The following MANBAL variants were observed in gnomAD, a reference collection of about 807,000 sequenced individuals.
MANBAL encodes mannosidase beta like.
A neutral mutation model predicts 6.4 loss-of-function variants in MANBAL; 1 was observed. That is an observed-to-expected ratio of 0.16 (90% confidence interval 0.06 to 0.74). The LOEUF (loss-of-function observed/expected upper bound fraction) is 0.74, where lower values mean the gene tolerates loss of function less well. MANBAL is among the 30% of genes least tolerant of loss of function. The pLI, the probability that MANBAL is intolerant of heterozygous loss-of-function variation, is 0.78. For missense variants in MANBAL, 100 were observed against 107.8 expected (o/e 0.93, Z 0.32); for synonymous variants, 47 against 45.8 (o/e 1.03, Z -0.10).
intron 2 of MANBAL, among the ~76,000 whole-genome samples, chr20:37,304,786 A>G (rs2069220694): frequency 6.6e-6 from 1 of 152,140 alleles, no homozygotes. Context: ...TTTTAAACAG[A>G]TACTTTAACA....
chr20:37,306,854 A>C (rs546291927), intron 2 of MANBAL, among the ~76,000 whole-genome samples: 2 of 152,216 alleles, frequency 1.3e-5, no homozygotes, highest in Non-Finnish European at 2.9e-5. Flanking sequence ...GGACTGGCCA[A>C]TGATTCTCCA....
At chr20:37,303,907 C>T (rs2069198435) in intron 2 of MANBAL, among the ~76,000 whole-genome samples, 1 of 152,162 alleles carries the variant, frequency 6.6e-6, no homozygotes, top group South Asian at 2.1e-4. Context: ...ATTGTTTACA[C>T]AGTATAGGCG....
At chr20:37,295,821 C>T (rs2068982258) in intron 1 of MANBAL, among the ~76,000 whole-genome samples, 1 of 152,200 alleles carries the variant, frequency 6.6e-6, no homozygotes, top group Admixed American at 6.5e-5. Context: ...GAACAATGGC[C>T]AGGGAACAAA....
intron 2 of MANBAL, among the ~76,000 whole-genome samples, chr20:37,305,312 T>C (rs1037729119): frequency 2.0e-5 from 3 of 152,010 alleles, no homozygotes; most frequent in African/African-American, 7.3e-5. Flanking sequence ...TAGGCAGAGG[T>C]GTGTGGCTGT....
At chr20:37,290,945 C>T (rs1226610915) in intron 1 of MANBAL, among the ~76,000 whole-genome samples, 6 of 152,168 alleles carry the variant, frequency 3.9e-5, no homozygotes, top group Admixed American at 2.0e-4. Context: ...TTCTATTCCC[C>T]AGTCTGTTTT....
In MANBAL at chr20:37,316,994, GGGTAGGCAGTGCCTGCTTCT is replaced by G; in HGVS notation, c.*581_*600del. 1 of 152,886 alleles carries G rather than the reference GGGTAGGCAGTGCCTGCTTCT, an allele frequency of 6.5e-6. No individual in the cohort carries two copies. The highest frequency in any genetic ancestry group is 2.1e-4 in the South Asian group (1 of 4,834). The allele number at this position is 152,886 out of a possible 1,614,324, so 9.5% of individuals were successfully genotyped here. ...TGAGAGCCAGCAGACAGCCAGGCCA[GGGTAGGCAGTGCCTGCTTCT>G]GCTCCATCAGGTGCAGGGGATTTGG... On this transcript the variant is annotated 3_prime_UTR_variant, in exon 3 of 3. Coordinates refer to ENST00000373606, the MANE Select transcript of MANBAL (RefSeq NM_001003897.2).
At chr20:37,292,350 G>T (rs1168698766) in intron 1 of MANBAL, among the ~76,000 whole-genome samples, 3 of 152,154 alleles carry the variant, frequency 2.0e-5, no homozygotes, top group African/African-American at 7.2e-5. Context: ...CGCCCAGGCT[G>T]GAGTGCAGTG....
intron 2 of MANBAL, among the ~76,000 whole-genome samples, chr20:37,306,031 C>G (rs774529125): frequency 6.6e-6 from 1 of 151,904 alleles, no homozygotes; most frequent in Non-Finnish European, 1.5e-5. Context: ...AGAAAGGGAG[C>G]CCATGGGAGT....
chr20:37,313,561 C>G (rs1600923060), intron 2 of MANBAL, among the ~76,000 whole-genome samples: 1 of 151,004 alleles, frequency 6.6e-6, no homozygotes, highest in East Asian at 2.0e-4. Context: ...AAAAAATTAG[C>G]TGTGCGTGGT....
intron 2 of MANBAL, among the ~76,000 whole-genome samples, chr20:37,302,718 GT>G (rs2069166681): frequency 6.6e-6 from 1 of 150,818 alleles, no homozygotes; most frequent in Non-Finnish European, 1.5e-5. Flanking sequence ...TGAAGCTTTG[GT>G]TTTCATAGCA....
chr20:37,311,655 T>G (rs771546974), intron 2 of MANBAL, among the ~76,000 whole-genome samples: 25 of 152,040 alleles, frequency 1.6e-4, no homozygotes, highest in Non-Finnish European at 2.9e-4. Flanking sequence ...GCCTGGCTAA[T>G]TTTGTATTTT....
At chr20:37,293,123 G>T (rs1406476724) in intron 1 of MANBAL, among the ~76,000 whole-genome samples, 1 of 152,218 alleles carries the variant, frequency 6.6e-6, no homozygotes, top group Non-Finnish European at 1.5e-5. Flanking sequence ...CGGTTTCATG[G>T]AAGACAATTT....
chr20:37,311,915 A>G (rs997992702), intron 2 of MANBAL, among the ~76,000 whole-genome samples: 1 of 152,052 alleles, frequency 6.6e-6, no homozygotes, highest in Non-Finnish European at 1.5e-5. Context: ...CCGGCAGGGG[A>G]CCTGGGTCTG....
intron 2 of MANBAL, among the ~76,000 whole-genome samples, chr20:37,313,703 C>T (rs1310080598): frequency 2.0e-5 from 3 of 152,168 alleles, no homozygotes; most frequent in Admixed American, 1.3e-4. Flanking sequence ...GAGACCTTGT[C>T]TTAAAAAGAA....
chr20:37,300,471 G>C (rs886842003), intron 1 of MANBAL, among the ~76,000 whole-genome samples: 1 of 152,084 alleles, frequency 6.6e-6, no homozygotes, highest in Admixed American at 6.6e-5. Context: ...ATCACATCTC[G>C]ACGTGTTCAT....
intron 2 of MANBAL, among the ~76,000 whole-genome samples, chr20:37,311,504 T>A (rs548746817): frequency 4.9e-4 from 74 of 152,342 alleles, no homozygotes; most frequent in Non-Finnish European, 9.1e-4. Context: ...TGAGCGAAAC[T>A]TTTTTTGAGT....
At chr20:37,304,964 G>A (rs1422058489) in intron 2 of MANBAL, among the ~76,000 whole-genome samples, 1 of 29,764 alleles carries the variant, frequency 3.4e-5, no homozygotes, top group Non-Finnish European at 6.1e-5. Context: ...ATGAGAAGAG[G>A]ACCTAGGCCA....
At chr20:37,303,898 T>C (rs902344871) in intron 2 of MANBAL, among the ~76,000 whole-genome samples, 1 of 152,206 alleles carries the variant, frequency 6.6e-6, no homozygotes. Flanking sequence ...ATGAACCTTA[T>C]TGTTTACACA....
chr20:37,300,711 G>A (rs2069114029), intron 1 of MANBAL, among the ~76,000 whole-genome samples: 1 of 152,154 alleles, frequency 6.6e-6, no homozygotes, highest in African/African-American at 2.4e-5. Context: ...CTTTATGTTT[G>A]GAAAACATCA....
Sources: gnomAD v4.1 joint callset for allele counts (sites outside exome capture counted in the v4.1 genomes callset) on GRCh38, gnomAD v4.1.1 for gene constraint, MANE v1.5 for transcripts, NCBI Gene and HGNC (gene_info 2026-07-23, HGNC 2026-07-21) for gene names.